The following SLC19A1 variants were observed in gnomAD, a reference collection of about 807,000 sequenced individuals.
The protein encoded by SLC19A1 is solute carrier family 19 member 1.
In SLC19A1, 37 loss-of-function variants were observed where a neutral mutation model predicts 35.3. That is an observed-to-expected ratio of 1.05 (90% confidence interval 0.81 to 1.38). SLC19A1 has a LOEUF of 1.38. Among genes scored for constraint, SLC19A1 ranks in the 40% most tolerant of loss-of-function variants. SLC19A1 has a pLI of 0.00. For missense variants in SLC19A1, 831 were observed against 826.9 expected (o/e 1.00, Z -0.06); for synonymous variants, 460 against 398.5 (o/e 1.15, Z -1.84).
At chr21:45,518,553 A>T (rs548726891) in intron 5 of SLC19A1, among the ~76,000 whole-genome samples, 1 of 152,338 alleles carries the variant, frequency 6.6e-6, no homozygotes, top group Non-Finnish European at 1.5e-5. Context: ...ACACCAACAC[A>T]TACCATATTC....
intron 5 of SLC19A1, among the ~76,000 whole-genome samples, chr21:45,518,038 CA>C (rs2038055433): frequency 6.6e-6 from 1 of 152,174 alleles, no homozygotes; most frequent in African/African-American, 2.4e-5. Context: ...AATTAATAGA[CA>C]CCAACACTAA....
At chr21:45,527,135 A>G (rs922362587) in intron 4 of SLC19A1, among the ~76,000 whole-genome samples, 2 of 151,822 alleles carry the variant, frequency 1.3e-5, no homozygotes, top group Admixed American at 6.6e-5. Context: ...GCAGCCAGGC[A>G]GGGCAGGCCC....
At chr21:45,552,504 C>T (rs2078476004) in intron 1 of SLC19A1, among the ~76,000 whole-genome samples, 1 of 152,124 alleles carries the variant, frequency 6.6e-6, no homozygotes, top group South Asian at 2.1e-4. Flanking sequence ...GGACCGCAGC[C>T]CTCGAATGTG....
downstream of SLC19A1, chr21:45,509,707 C>T (rs945253723): frequency 2.5e-5 from 19 of 768,288 alleles, 1 homozygote; most frequent in South Asian, 2.6e-4. Context: ...AGGCTTCGGC[C>T]ATGGGTGGGG....
At position 45,533,987 on chromosome 21, in the gene SLC19A1, C is replaced by T. The variant is rs1602848415; in HGVS notation, c.190-1839G>A. ...ACCCCACCTCAGGGCACCCTGAGGT[C>T]GCACCCTGGAGCCTGCACCCTCATG... On this transcript the variant is annotated intron_variant, in intron 2 of 5. Coordinates refer to ENST00000311124, the MANE Select transcript of SLC19A1 (RefSeq NM_194255.4). The surrounding 1 kb of genome is among the most constrained non-coding windows in gnomAD (Gnocchi z 4.5). Among the ~76,000 whole-genome samples the T allele has an allele frequency of 6.6e-6, 1 of 151,970 alleles. No homozygotes were observed. Among genetic ancestry groups the T allele is most frequent in the Non-Finnish European group, 1.5e-5 (1 of 67,974 alleles).
chr21:45,546,667 G>A (rs9979087), upstream of SLC19A1, among the ~76,000 whole-genome samples: 3,643 of 152,338 alleles, frequency 0.024, 170 homozygotes, highest in African/African-American at 0.083. Flanking sequence ...GTCATCTAAC[G>A]AAAGAGTGTT....
Position 45,559,289 on chromosome 21 carries a change from G to A in SLC19A1, c.-50+3453C>T, listed in dbSNP as rs141334104. ...GTGGAAACATCGCAACGTTGAGGCCGGGTGAGTGTCGGTGTCCTGGGTCCA... is the reference window on the plus strand; with the variant it reads ...GTGGAAACATCGCAACGTTGAGGCCAGGTGAGTGTCGGTGTCCTGGGTCCA... On this transcript the variant is annotated intron_variant, in intron 1 of 5. Coordinates refer to the SLC19A1 transcript ENST00000650808. 2.6e-3 allele frequency among the ~76,000 whole-genome samples: 396 copies of A among 152,264 alleles called. 2 individuals are homozygous for A. The highest frequency in any genetic ancestry group is 8.8e-3 in the African/African-American group (366 of 41,536).
Position 45,530,739 on chromosome 21 carries a change from GC to G in SLC19A1, c.1151+30del. 1.9e-6 allele frequency: 3 copies of G among 1,542,308 alleles called. No homozygotes were observed. Among genetic ancestry groups the G allele is most frequent in the South Asian group, 1.2e-5 (1 of 83,840 alleles). On this transcript the variant is annotated intron_variant, in intron 4 of 5. Coordinates refer to ENST00000311124, the MANE Select transcript of SLC19A1 (RefSeq NM_194255.4). This position sits in a 1 kb window ranked among gnomAD's most constrained non-coding sequence, Gnocchi z 5.3. ...CGGGGCTTGATCCTGGCGCCTGCCC[GC>G]CCCCGGCTTCCCACCCTTCTGGAAC...
chr21:45,542,685 GC>G (rs1311509987), upstream of SLC19A1, among the ~76,000 whole-genome samples: 1 of 117,868 alleles, frequency 8.5e-6, no homozygotes, highest in Non-Finnish European at 1.8e-5. Flanking sequence ...GACCCCGACC[GC>G]CCCTCGGGCC....
chr21:45,532,558 C>G (rs373290393), intron 2 of SLC19A1, among the ~76,000 whole-genome samples: 2 of 152,266 alleles, frequency 1.3e-5, no homozygotes, highest in African/African-American at 4.8e-5. Flanking sequence ...CTCAGCCTCC[C>G]GAGTAGCTGA....
At chr21:45,503,933 C>T in intron 3 of SLC19A1, 1 of 1,535,710 alleles carries the variant, frequency 6.5e-7, no homozygotes, top group Non-Finnish European at 9.0e-7. Context: ...GCAAACCCAC[C>T]AGTGCTGGGG....
intron 5 of SLC19A1, among the ~76,000 whole-genome samples, chr21:45,516,480 G>A (rs974563501): frequency 7.9e-5 from 12 of 152,184 alleles, no homozygotes; most frequent in African/African-American, 2.4e-4. Context: ...CTGAGACAGC[G>A]GAAGGGTGCC....
chr21:45,535,450 C>T (rs888792283), intron 2 of SLC19A1, among the ~76,000 whole-genome samples: 9 of 152,238 alleles, frequency 5.9e-5, no homozygotes, highest in Non-Finnish European at 8.8e-5. Flanking sequence ...GGACAGCAAC[C>T]ACAGGGCTGC....
At chr21:45,512,086 C>G (rs1315837808), downstream of SLC19A1, 8 of 1,309,862 alleles carry the variant, frequency 6.1e-6, no homozygotes, top group African/African-American at 5.9e-5. Flanking sequence ...CCCTGGTAAC[C>G]CCAGGGCTGG....
At chr21:45,547,935 G>C (rs1403531871), upstream of SLC19A1, among the ~76,000 whole-genome samples, 1 of 152,212 alleles carries the variant, frequency 6.6e-6, no homozygotes. Flanking sequence ...CATAGATTCA[G>C]TGCAATCCAA....
At chr21:45,537,522 C>G (rs1385929691) in intron 2 of SLC19A1, among the ~76,000 whole-genome samples, 1 of 148,368 alleles carries the variant, frequency 6.7e-6, no homozygotes, top group Non-Finnish European at 1.5e-5. Context: ...ATTCCAGAAG[C>G]TGCTCCCCGC....
intron 1 of SLC19A1, 64 bp from the exon 2 acceptor site, chr21:45,538,072 A>C: frequency 1.3e-5 from 12 of 922,114 alleles, no homozygotes; most frequent in Non-Finnish European, 1.7e-5. Flanking sequence ...TACCCCGCAA[A>C]ACGAGGCCCA....
rs191195016 is a variant in SLC19A1 at position 45,517,457 on chromosome 21, T to C, written c.1294-1317A>G. ...GCACTAGAGCTTTCACTCCCACTGG[T>C]TGGTAAAGACACCCACCCTCACCCC... On this transcript the variant is annotated intron_variant, in intron 5 of 5. Transcript: ENST00000311124. This position sits in a 1 kb window ranked among gnomAD's most constrained non-coding sequence, Gnocchi z 4.4. Among the ~76,000 whole-genome samples, 5 of 151,384 alleles carry C rather than the reference T, an allele frequency of 3.3e-5. No individual in the cohort carries two copies. The highest frequency in any genetic ancestry group is 3.3e-4 in the Admixed American group (5 of 15,200).
chr21:45,561,254 A>G (rs2078612447), intron 1 of SLC19A1, among the ~76,000 whole-genome samples: 1 of 152,258 alleles, frequency 6.6e-6, no homozygotes, highest in Non-Finnish European at 1.5e-5. Context: ...TGTGCTAGAA[A>G]TAATTGACCA....
Sources: allele counts gnomAD v4.1 joint callset (sites outside exome capture counted in the v4.1 genomes callset), GRCh38; gene constraint gnomAD v4.1.1; non-coding constraint Gnocchi (gnomAD v3.1); transcripts MANE v1.5; gene names NCBI Gene and HGNC (gene_info 2026-07-23, HGNC 2026-07-21).